The following DNAH17 variants were observed in gnomAD, a reference collection of about 807,000 sequenced individuals.
DNAH17 encodes axonemal beta dynein heavy chain 17.
DNAH17 carries 376 observed loss-of-function variants against 485.6 expected under a neutral mutation model. That is an observed-to-expected ratio of 0.77 (90% confidence interval 0.71 to 0.84). The LOEUF (loss-of-function observed/expected upper bound fraction) is 0.84. DNAH17 is among the 40% of genes least tolerant of loss of function. The pLI, the probability that DNAH17 is intolerant of heterozygous loss-of-function variation, is 0.00. For missense variants in DNAH17, 6,370 were observed against 5,839.3 expected, an observed-to-expected ratio of 1.09 and a Z score of -2.96; for synonymous variants, 3,031 against 2,405.9, an observed-to-expected ratio of 1.26 and a Z score of -7.60.
At position 78,445,607 on chromosome 17, in the gene DNAH17, A is replaced by G. The variant is rs201561978; in HGVS notation, c.11285T>C (p.Val3762Ala). The change falls in exon 70 of 81, where the codon GTG (valine) becomes GCG (alanine). Residue 3762 changes from valine (V) to alanine (A), a missense_variant. Physicochemically the swap from Val to Ala is moderately conservative, Grantham distance 64. Transcript: ENST00000389840. ...FLLRFPFKAG[V>A]VSPVDFLQHQ... is the part of the protein sequence containing the mutation. Reference sequence around the variant, plus strand: ...CTGGAGGAAGTCCACTGGTGAGACCACTCCGGCCTTAAAAGGGAACCGCAG... The same window carrying G: ...CTGGAGGAAGTCCACTGGTGAGACCGCTCCGGCCTTAAAAGGGAACCGCAG... 133 of 1,565,062 alleles carry G rather than the reference A, an allele frequency of 8.5e-5. 1 individual carries two copies. The Admixed American group carries it at 2.5e-3, about 29-fold the overall frequency.
At chr17:78,430,135 G>A (rs680027) in intron 75 of DNAH17, among the ~76,000 whole-genome samples, 24,226 of 152,152 alleles carry the variant, frequency 0.16, 2,061 homozygotes, top group Middle Eastern at 0.2. Flanking sequence ...GGGCGGCCTC[G>A]CCATGAAGCC....
chr17:78,572,617 G>T lies in DNAH17; in HGVS notation c.539+84C>A, dbSNP rs566632535. The T allele has an allele frequency of 7.1e-5, 89 of 1,254,134 alleles. No individual in the cohort carries two copies. The African/African-American group carries it at 1.1e-3, about 16-fold the overall frequency. The allele number at this position is 1,254,134 out of a possible 1,614,324, so 77.7% of individuals were successfully genotyped here. ...CTGCAGGGAAACAACGGGTCGGAGT[G>T]GGGTGGAGTGGGGTGGGGGGTGGGG... On this transcript the variant is annotated intron_variant, in intron 3 of 80. Transcript: ENST00000389840.
intron 22 of DNAH17, among the ~76,000 whole-genome samples, 194 bp downstream of exon 22, chr17:78,529,278 G>A (rs933139790): frequency 6.6e-6 from 1 of 151,966 alleles, no homozygotes; most frequent in African/African-American, 2.4e-5. Context: ...GCCTCACCGT[G>A]GAGGCAGTCC....
Position 78,507,753 on chromosome 17 carries a change from G to A in DNAH17, c.4289C>T (p.Pro1430Leu), listed in dbSNP as rs139766643. The A allele has an allele frequency of 3.5e-5, 56 of 1,590,030 alleles. No individual in the cohort carries two copies. Among genetic ancestry groups the A allele is most frequent in the Middle Eastern group, 1.7e-4 (1 of 6,046 alleles). ...CATCATGGTGCCTGTCCGCGGGTGCGGCTCGTGCTGGAATTCCATCATGCT... is the reference window on the plus strand; with the variant it reads ...CATCATGGTGCCTGTCCGCGGGTGCAGCTCGTGCTGGAATTCCATCATGCT... ...TWSMMEFQHE[P>L]HPRTGTMMLK... Residue 1430 changes from proline to leucine, a missense_variant, in exon 28 of 81, where the codon CCG becomes CTG. Physicochemically the swap from Pro to Leu is moderately conservative, Grantham distance 98 (BLOSUM62 -3). Transcript: ENST00000389840.
At chr17:78,431,206 G>A (rs993767877) in intron 75 of DNAH17, among the ~76,000 whole-genome samples, 5 of 151,986 alleles carry the variant, frequency 3.3e-5, no homozygotes, top group African/African-American at 1.2e-4. Flanking sequence ...TACTCAAAAC[G>A]TTAATGTTTT....
Position 78,507,441 on chromosome 17 carries a change from C to G in DNAH17, c.4584+17G>C. ...AGTCATTTCTGAAGTGCGTGGGAAC[C>G]ACCGGGCTGTGCTCACCTTGAATTC... On this transcript the variant is annotated intron_variant, in intron 28 of 80. Transcript: ENST00000389840. 1 of 1,613,366 alleles carries G rather than the reference C, an allele frequency of 6.2e-7. No homozygotes were observed. The highest frequency in any genetic ancestry group is 8.5e-7 in the Non-Finnish European group (1 of 1,179,340).
rs2305039 is a variant in DNAH17, at chr17:78,449,490, T to A, written c.11135A>T (p.Tyr3712Phe). Residue 3712 changes from tyrosine (Y) to phenylalanine (F), a missense_variant, in exon 69 of 81, where the codon TAC (tyrosine) becomes TTC (phenylalanine). Transcript: ENST00000389840. ...CCGGGCCGTGTACATGTAGACGGAGTAGGTGATCTCGTCCGTCAGGTTGAT... is the reference window on the plus strand; with the variant it reads ...CCGGGCCGTGTACATGTAGACGGAGAAGGTGATCTCGTCCGTCAGGTTGAT... Reference protein sequence around the residue: ...RVINLTDEITYSVYMYTARGL... With the variant: ...RVINLTDEITFSVYMYTARGL... 69 of 1,574,590 alleles carry A rather than the reference T, an allele frequency of 4.4e-5. 1 individual carries two copies. The East Asian group carries it at 9.8e-4, about 22-fold the overall frequency.
intron 22 of DNAH17, 113 bp downstream of exon 22, chr17:78,529,359 A>G (rs2143287619): frequency 1.9e-6 from 2 of 1,032,980 alleles, no homozygotes; most frequent in Non-Finnish European, 2.9e-6. Flanking sequence ...ATGTCCAGAG[A>G]GGATCTAGCC....
At chr17:78,515,431 C>T (rs960743778) in intron 25 of DNAH17, among the ~76,000 whole-genome samples, 8 of 152,154 alleles carry the variant, frequency 5.3e-5, no homozygotes, top group African/African-American at 1.9e-4. Flanking sequence ...ATCACTTGAT[C>T]CTGGGAGACA....
intron 29 of DNAH17, 106 bp from the exon 30 acceptor site, chr17:78,506,952 A>G: frequency 3.4e-6 from 5 of 1,459,084 alleles, no homozygotes; most frequent in South Asian, 1.2e-5. Flanking sequence ...AGATGCCTGG[A>G]CTGCTGTTCA....
At chr17:78,574,514 A>G (rs959447497) in intron 2 of DNAH17, among the ~76,000 whole-genome samples, 199 bp downstream of exon 2, 2 of 152,004 alleles carry the variant, frequency 1.3e-5, no homozygotes, top group African/African-American at 2.4e-5. Flanking sequence ...AAAAAAAAAA[A>G]AAATTTAAAA....
chr17:78,515,444 G>A (rs1286558365), intron 25 of DNAH17, among the ~76,000 whole-genome samples: 1 of 152,174 alleles, frequency 6.6e-6, no homozygotes, highest in Non-Finnish European at 1.5e-5. Context: ...GGGAGACAAG[G>A]GCTGCAGTGA....
intron 58 of DNAH17, 79 bp from the exon 59 acceptor site, chr17:78,460,336 ATG>A (rs1472738961): frequency 7.5e-5 from 67 of 894,596 alleles, no homozygotes; most frequent in Middle Eastern, 7.4e-4. Flanking sequence ...ATGTGTGTGC[ATG>A]TGTGTGCATG....
At chr17:78,510,301 C>T in intron 27 of DNAH17, 83 bp downstream of exon 27, 1 of 1,568,794 alleles carries the variant, frequency 6.4e-7, no homozygotes, top group Non-Finnish European at 8.7e-7. Flanking sequence ...GCTGCAGGAC[C>T]CCTCTGGGCG....
At chr17:78,567,286 C>A in intron 9 of DNAH17, 120 bp from the exon 10 acceptor site, 1 of 1,005,166 alleles carries the variant, frequency 9.9e-7, no homozygotes, top group East Asian at 2.6e-5. Context: ...CCAGGAGACA[C>A]CAACCATGGG....
Position 78,458,370 on chromosome 17 carries a change from G to C in DNAH17, c.9977+195C>G, listed in dbSNP as rs1024528589. 12 of 598,174 alleles carry C rather than the reference G, an allele frequency of 2.0e-5. No homozygotes were observed. In the African/African-American group the frequency reaches 2.2e-4, roughly 11 times the overall value. The allele number at this position is 598,174 out of a possible 1,614,324, so 37.1% of individuals were successfully genotyped here. A position where few individuals can be genotyped will look rare whatever the true frequency, so the allele number is the denominator to read the frequency against. On this transcript the variant is annotated intron_variant, in intron 62 of 80. Coordinates refer to ENST00000389840, the MANE Select transcript of DNAH17 (RefSeq NM_173628.4). ...GTGGGTTACTTGGAACCACGCGACA[G>C]GGCATATTTTGTGGAGGCCACTGAC... is the stretch of plus-strand genomic sequence containing the variant.
intron 74 of DNAH17, among the ~76,000 whole-genome samples, chr17:78,436,305 G>A (rs2086849239): frequency 6.6e-6 from 1 of 152,190 alleles, no homozygotes; most frequent in Admixed American, 6.6e-5. Context: ...GTGGGTGTCT[G>A]TAATCCCAGC....
At chr17:78,465,827 C>G (rs1257031424) in intron 56 of DNAH17, among the ~76,000 whole-genome samples, 1 of 150,046 alleles carries the variant, frequency 6.7e-6, no homozygotes, top group South Asian at 2.1e-4. Context: ...GCCCCCCGCC[C>G]GGCCAGCCGC....
At chr17:78,445,715 G>A in intron 69 of DNAH17, 35 bp from the exon 70 acceptor site, 1 of 1,578,702 alleles carries the variant, frequency 6.3e-7, no homozygotes, top group Non-Finnish European at 8.6e-7. Flanking sequence ...ACTTAACGCA[G>A]CCAGTAAAAC....
Sources: allele counts gnomAD v4.1 joint callset (sites outside exome capture counted in the v4.1 genomes callset), GRCh38; gene constraint gnomAD v4.1.1; transcripts MANE v1.5; gene names NCBI Gene and HGNC (gene_info 2026-07-23, HGNC 2026-07-21).